GNAO1: variants seen among roughly 807,000 people sequenced by gnomAD.
GNAO1 encodes the protein G protein subunit alpha o1, also known as guanine nucleotide-binding protein G(o) subunit alpha.
For missense variants in GNAO1, 166 were observed against 478.7 expected, an observed-to-expected ratio of 0.35 and a Z score of 6.10; for synonymous variants, 164 against 180.7, an observed-to-expected ratio of 0.91 and a Z score of 0.74.
intron 3 of GNAO1, among the ~76,000 whole-genome samples, chr16:56,308,997 T>C (rs1428927251): frequency 6.6e-6 from 1 of 152,120 alleles, no homozygotes; most frequent in African/African-American, 2.4e-5. Flanking sequence ...GAAGTTCATG[T>C]AGCTGGATGG....
intron 4 of GNAO1, 167 bp downstream of exon 4, chr16:56,328,958 T>G: frequency 1.6e-6 from 1 of 642,694 alleles, no homozygotes. Flanking sequence ...AGAAGGGGCC[T>G]CTCTTCCTGC....
At chr16:56,318,421 C>T (rs1371301643) in intron 3 of GNAO1, among the ~76,000 whole-genome samples, 1 of 152,212 alleles carries the variant, frequency 6.6e-6, no homozygotes, top group East Asian at 1.9e-4. Flanking sequence ...CGGGCCCGGC[C>T]CTGCAATGCC....
At chr16:56,339,294 C>T (rs1425923894) in intron 6 of GNAO1, among the ~76,000 whole-genome samples, 3 of 152,266 alleles carry the variant, frequency 2.0e-5, no homozygotes, top group African/African-American at 7.2e-5. Flanking sequence ...CCCGGGCCTG[C>T]ACCTCCTCCT....
chr16:56,344,221 CG>C, intron 6 of GNAO1: 1 of 1,382,124 alleles, frequency 7.2e-7, no homozygotes, highest in Admixed American at 3.0e-5. Flanking sequence ...AGTGCTTGAT[CG>C]GGAAGCTGGG....
chr16:56,295,978 T>G (rs1340891925), intron 3 of GNAO1, among the ~76,000 whole-genome samples: 1 of 152,214 alleles, frequency 6.6e-6, no homozygotes, highest in Non-Finnish European at 1.5e-5. Flanking sequence ...TTCCAGAGCC[T>G]CTATTAGGGA....
chr16:56,276,840 A>G (rs1403099973), intron 3 of GNAO1: 1 of 152,124 alleles, frequency 6.6e-6, no homozygotes, highest in Non-Finnish European at 1.5e-5. Flanking sequence ...AATCTCAGTG[A>G]TCCTCCCTCT....
intron 6 of GNAO1, chr16:56,343,881 C>T (rs1378606113): frequency 1.2e-6 from 2 of 1,614,078 alleles, no homozygotes; most frequent in African/African-American, 2.7e-5. Context: ...CCAACAACAT[C>T]CAGTTTGTCT....
intron 3 of GNAO1, among the ~76,000 whole-genome samples, chr16:56,300,403 C>T (rs1295031961): frequency 7.2e-5 from 11 of 152,240 alleles, no homozygotes; most frequent in Non-Finnish European, 1.5e-4. Flanking sequence ...CAGCTCACCA[C>T]GGCCAACTGT....
At chr16:56,318,767 G>A (rs1228684665) in intron 3 of GNAO1, among the ~76,000 whole-genome samples, 1 of 152,182 alleles carries the variant, frequency 6.6e-6, no homozygotes, top group Non-Finnish European at 1.5e-5. Context: ...TACAAAGCAG[G>A]CTTATTTTGT....
chr16:56,201,036 T>C (rs2036277912), intron 2 of GNAO1, among the ~76,000 whole-genome samples: 1 of 152,158 alleles, frequency 6.6e-6, no homozygotes, highest in Non-Finnish European at 1.5e-5. Flanking sequence ...GTGGGTAGCA[T>C]ACACACAGTG....
chr16:56,344,917 C>T (rs1391184223), intron 6 of GNAO1: 26 of 985,246 alleles, frequency 2.6e-5, no homozygotes, highest in Middle Eastern at 5.2e-4. Flanking sequence ...CCAGTGCCTC[C>T]GCCTCACCGT....
chr16:56,215,425 C>T (rs927938535), intron 2 of GNAO1, among the ~76,000 whole-genome samples: 5 of 152,188 alleles, frequency 3.3e-5, no homozygotes, highest in South Asian at 2.1e-4. Context: ...TGAAGAGAAG[C>T]GGTTTCAGCA....
chr16:56,199,084 T>C (rs1388931668), intron 2 of GNAO1, among the ~76,000 whole-genome samples: 1 of 152,204 alleles, frequency 6.6e-6, no homozygotes, highest in East Asian at 1.9e-4. Context: ...CCCTTCCTGT[T>C]GTCAACGGTG....
intron 2 of GNAO1, chr16:56,193,484 T>C (rs892197883): frequency 1.2e-4 from 19 of 163,074 alleles, no homozygotes; most frequent in Non-Finnish European, 2.2e-4. Flanking sequence ...CCATGTAATC[T>C]ACCCACAATG....
At position 56,276,030 on chromosome 16, in the gene GNAO1, C is replaced by T. The variant is rs2143521053; in HGVS notation, c.261C>T (p.Ala87=). ...TIQSLAAIVR[A]MDTLGIEYGD... ...AGTCCCTGGCAGCCATCGTCCGGGC[C>T]ATGGACACTTTGGGCATCGAATATG... The change falls in exon 3 of 9, where the codon GCC becomes GCT. Residue 87 remains alanine, a synonymous_variant. Transcript: ENST00000262493. 1 of 1,614,070 alleles carries T rather than the reference C, an allele frequency of 6.2e-7. No homozygotes were observed. Among genetic ancestry groups the T allele is most frequent in the Non-Finnish European group, 8.5e-7 (1 of 1,179,942 alleles).
rs536996973 is a variant in GNAO1 at position 56,227,089 on chromosome 16, G to A, written c.161+34473G>A. On this transcript the variant is annotated intron_variant, in intron 2 of 8. Coordinates refer to ENST00000262493, the MANE Select transcript of GNAO1 (RefSeq NM_020988.3). ...CGGGTAGGGAAAAAGAGGAAGGTGG[G>A]GAGGGGAAACTGTTTGTTTCATTTT... Among the ~76,000 whole-genome samples the A allele has an allele frequency of 7.2e-5, 11 of 152,282 alleles. No homozygotes were observed. In the South Asian group the frequency reaches 2.1e-3, roughly 29 times the overall value.
chr16:56,265,064 T>A (rs1159638308), intron 2 of GNAO1, among the ~76,000 whole-genome samples: 1 of 152,186 alleles, frequency 6.6e-6, no homozygotes, highest in African/African-American at 2.4e-5. Flanking sequence ...CATCTAGGTT[T>A]TGTGGTTTTC....
intron 6 of GNAO1, among the ~76,000 whole-genome samples, chr16:56,342,725 A>G (rs55909520): frequency 0.19 from 28,427 of 152,202 alleles, 3,021 homozygotes; most frequent in South Asian, 0.29. Flanking sequence ...AGGCCCACCC[A>G]CAGGGTGTGC....
At chr16:56,260,207 T>G (rs2036890398) in intron 2 of GNAO1, among the ~76,000 whole-genome samples, 1 of 152,172 alleles carries the variant, frequency 6.6e-6, no homozygotes, top group Admixed American at 6.5e-5. Flanking sequence ...GCTACTCTGT[T>G]CTCCCAGGCC....
Sources: gnomAD v4.1 joint callset for allele counts (sites outside exome capture counted in the v4.1 genomes callset) on GRCh38, gnomAD v4.1.1 for gene constraint, MANE v1.5 for transcripts, NCBI Gene and HGNC (gene_info 2026-07-23, HGNC 2026-07-21) for gene names.